The following PRPF6 variants were observed in gnomAD, a reference collection of about 807,000 sequenced individuals.
PRPF6 encodes the protein pre-mRNA-processing factor 6.
In PRPF6, 42 loss-of-function variants were observed where a neutral mutation model predicts 118.3. The ratio of observed to expected loss-of-function variants is 0.35; its 90% CI spans 0.28 to 0.46. The LOEUF (loss-of-function observed/expected upper bound fraction) is 0.46, where lower values mean the gene tolerates loss of function less well. Among genes scored for constraint, PRPF6 ranks in the 20% least tolerant of loss-of-function variants. The pLI is 1.00. For synonymous variants in PRPF6, 481 were observed against 485.1 expected, an observed-to-expected ratio of 0.99 and a Z score of 0.11; for missense variants, 662 against 1,255.7, an observed-to-expected ratio of 0.53 and a Z score of 7.15.
chr20:64,016,140 G>A (rs1352815088), intron 11 of PRPF6, among the ~76,000 whole-genome samples: 1 of 147,730 alleles, frequency 6.8e-6, no homozygotes, highest in Admixed American at 6.8e-5. Context: ...TTTTTTTTCT[G>A]AGACGTAGTC....
At chr20:64,008,761 C>T (rs2427586) in intron 9 of PRPF6, among the ~76,000 whole-genome samples, 3 of 152,016 alleles carry the variant, frequency 2.0e-5, no homozygotes, top group East Asian at 1.9e-4. Flanking sequence ...CGGGATGATG[C>T]GTTGATTCTC....
At position 64,027,678 on chromosome 20, in the gene PRPF6, C is replaced by T; in HGVS notation, c.2281C>T (p.Arg761Ter). 2 of 1,614,100 alleles carry T rather than the reference C, an allele frequency of 1.2e-6. No homozygotes were observed. The highest frequency in any genetic ancestry group is 1.7e-6 in the Non-Finnish European group (2 of 1,180,024). The change falls in exon 17 of 21, where the codon CGA becomes TGA. Residue 761 changes from arginine (R) to a stop codon, truncating the protein, a stop_gained. Transcript: ENST00000266079. LOFTEE classifies it high-confidence loss of function. This position sits in a 1 kb window ranked among gnomAD's most constrained non-coding sequence, Gnocchi z 6.5. ...RLEEKIGQLT[R>*]ARAILEKSRL... is the part of the protein sequence containing the mutation. Reference sequence around the variant, plus strand: ...GGAGGAGAAGATTGGGCAGCTTACTCGAGCACGGGCCATTTTGGAAAAGTC... The same window carrying T: ...GGAGGAGAAGATTGGGCAGCTTACTTGAGCACGGGCCATTTTGGAAAAGTC...
intron 13 of PRPF6, among the ~76,000 whole-genome samples, chr20:64,023,835 A>G (rs2059276537): frequency 6.6e-6 from 1 of 152,226 alleles, no homozygotes; most frequent in South Asian, 2.1e-4. Flanking sequence ...ACCCCTGGGC[A>G]CAGTGGGCAG....
chr20:64,025,848 C>G, intron 14 of PRPF6, 91 bp from the exon 15 acceptor site: 1 of 1,607,358 alleles, frequency 6.2e-7, no homozygotes, highest in Non-Finnish European at 8.5e-7. Flanking sequence ...AGGCCTGGCT[C>G]AGTTCCTGCC....
chr20:64,012,957 C>CT (rs763243601), intron 11 of PRPF6, among the ~76,000 whole-genome samples: 2,891 of 129,872 alleles, frequency 0.022, 144 homozygotes, highest in Non-Finnish European at 0.026. Flanking sequence ...CCCCCACACC[C>CT]TTTTTTTTTT....
chr20:63,993,665 C>T (rs1230636348), intron 4 of PRPF6, among the ~76,000 whole-genome samples, 180 bp downstream of exon 4: 1 of 149,954 alleles, frequency 6.7e-6, no homozygotes, highest in African/African-American at 2.4e-5. Flanking sequence ...TAAAAAAAAA[C>T]CCTTCCCCTA....
intron 7 of PRPF6, 120 bp from the exon 8 acceptor site, chr20:63,999,483 C>A: frequency 7.3e-7 from 1 of 1,372,286 alleles, no homozygotes; most frequent in Non-Finnish European, 1.0e-6. Flanking sequence ...GTTTTTGTAA[C>A]TCAGGACATC....
intron 19 of PRPF6, among the ~76,000 whole-genome samples, chr20:64,030,185 A>T (rs948646615): frequency 6.6e-6 from 1 of 152,208 alleles, no homozygotes; most frequent in South Asian, 2.1e-4. Context: ...AGAGGATGAC[A>T]GTCTGGGAAG....
rs770072579 is a variant in PRPF6, at chr20:63,995,018, C to G, written c.541C>G (p.Pro181Ala). The G allele has an allele frequency of 2.5e-6, 4 of 1,614,144 alleles. No individual in the cohort carries two copies. The highest frequency in any genetic ancestry group is 3.4e-6 in the Non-Finnish European group (4 of 1,180,028). The change falls in exon 5 of 21, where the codon CCT becomes GCT. Residue 181 changes from proline (P) to alanine (A), a missense_variant. Physicochemically the swap from Pro to Ala is conservative, Grantham distance 27. This residue lies in a region of PRPF6 where 97 missense variants were observed against 122.6 expected (regional missense o/e 0.79). Transcript: ENST00000266079. ...GAACCCACGCTATGAGAAGCTGACCCCTGTTCCTGACAGTTTCTTTGCCAA... is the reference window on the plus strand; with the variant it reads ...GAACCCACGCTATGAGAAGCTGACCGCTGTTCCTGACAGTTTCTTTGCCAA... ...QRNPRYEKLT[P>A]VPDSFFAKHL...
At chr20:63,983,348 A>G in intron 2 of PRPF6, 133 bp downstream of exon 2, 1 of 1,138,964 alleles carries the variant, frequency 8.8e-7, no homozygotes, top group South Asian at 1.3e-5. Context: ...TTCATGGAAC[A>G]TCTTTACTGA....
In PRPF6 at chr20:64,031,926, G is replaced by A; in HGVS notation, c.2555G>A (p.Trp852Ter). The A allele has an allele frequency of 6.2e-7, 1 of 1,614,082 alleles. No individual in the cohort carries two copies. The highest frequency in any genetic ancestry group is 8.5e-7 in the Non-Finnish European group (1 of 1,180,014). ...HVLLAVAKLF[W>*]SQRKITKARE... ...TCCTTCTGCTGGAACAGGCTGTTTT[G>A]GAGTCAGCGGAAGATCACCAAGGCC... is the stretch of plus-strand genomic sequence containing the variant. Residue 852 changes from tryptophan (W) to a stop codon, truncating the protein, a stop_gained, in exon 20 of 21, where the codon TGG becomes TAG. Transcript: ENST00000266079. LOFTEE classifies it high-confidence loss of function.
chr20:63,991,931 T>C (rs1267953914), intron 3 of PRPF6, among the ~76,000 whole-genome samples: 1 of 152,236 alleles, frequency 6.6e-6, no homozygotes, highest in Non-Finnish European at 1.5e-5. Context: ...TGGGTTATGT[T>C]CTGGCACATA....
Position 64,026,842 on chromosome 20 carries a change from C to T in PRPF6, c.2029-140C>T, listed in dbSNP as rs1276876926. On this transcript the variant is annotated intron_variant, in intron 15 of 20. Transcript: ENST00000266079. The surrounding 1 kb of genome is among the most constrained non-coding windows in gnomAD (Gnocchi z 4.4). ...AACAAAAACATATATTTATCCCCAC[C>T]TTTTGTGTACACAAACAGGCTATGA... 2.3e-6 allele frequency: 2 copies of T among 875,658 alleles called. No individual in the cohort carries two copies. Among genetic ancestry groups the T allele is most frequent in the Non-Finnish European group, 3.7e-6 (2 of 539,892 alleles). The allele number at this position is 875,658 out of a possible 1,614,324, so 54.2% of individuals were successfully genotyped here.
intron 4 of PRPF6, among the ~76,000 whole-genome samples, chr20:63,994,696 G>A (rs2059133729): frequency 6.6e-6 from 1 of 152,182 alleles, no homozygotes; most frequent in South Asian, 2.1e-4. Context: ...ACTTGAGCCT[G>A]GGAGGTTGAG....
At position 64,016,744 on chromosome 20, in the gene PRPF6, G is replaced by A; in HGVS notation, c.1546G>A (p.Ala516Thr). The A allele has an allele frequency of 6.2e-7, 1 of 1,614,098 alleles. No individual in the cohort carries two copies. Among genetic ancestry groups the A allele is most frequent in the Non-Finnish European group, 8.5e-7 (1 of 1,179,998 alleles). ...TCAGGATGCCGAGGAATGTGACAGG[G>A]CTGGGAGTGTGGCCACCTGCCAGGC... ...WIQDAEECDR[A>T]GSVATCQAVM... The change falls in exon 12 of 21, where the codon GCT becomes ACT. Residue 516 changes from alanine (A) to threonine (T), a missense_variant. This residue lies in a region of PRPF6 where 189 missense variants were observed against 323.5 expected (regional missense o/e 0.58). Transcript: ENST00000266079.
chr20:64,024,828 C>T, intron 14 of PRPF6, 135 bp downstream of exon 14: 1 of 1,347,610 alleles, frequency 7.4e-7, no homozygotes. Flanking sequence ...CCAGGGGCTG[C>T]TCCACAGGAG....
intron 9 of PRPF6, among the ~76,000 whole-genome samples, chr20:64,002,552 T>C (rs1029203666): frequency 2.7e-5 from 4 of 149,816 alleles, no homozygotes; most frequent in African/African-American, 9.9e-5. Context: ...GCCGGGCTGG[T>C]CTCAAACTCC....
intron 3 of PRPF6, among the ~76,000 whole-genome samples, chr20:63,990,003 G>A (rs564577325): frequency 5.3e-4 from 80 of 151,898 alleles, no homozygotes; most frequent in Non-Finnish European, 8.2e-4. Flanking sequence ...ATAGGCACGC[G>A]CCACCACACC....
At chr20:64,009,176 G>T (rs148685451) in intron 9 of PRPF6, among the ~76,000 whole-genome samples, 2,435 of 151,396 alleles carry the variant, frequency 0.016, 36 homozygotes, top group Admixed American at 0.019. Flanking sequence ...AGCTACTTGG[G>T]AGGCTGAGGC....
Sources: gnomAD v4.1 joint callset for allele counts (sites outside exome capture counted in the v4.1 genomes callset) on GRCh38, gnomAD v4.1.1 for gene constraint, gnomAD v4.1.1 regional missense constraint, Gnocchi (gnomAD v3.1) non-coding constraint, MANE v1.5 for transcripts, NCBI Gene and HGNC (gene_info 2026-07-23, HGNC 2026-07-21) for gene names.